MAP7: variants seen among roughly 807,000 people sequenced by gnomAD.
MAP7 encodes microtubule associated protein 7.
Under a neutral mutation model 94.8 loss-of-function variants are expected in MAP7, and 52 were observed. The ratio of observed to expected loss-of-function variants is 0.55; its 90% CI spans 0.44 to 0.69. The LOEUF is 0.69. Ranked by LOEUF, MAP7 falls within the 30% of genes least tolerant of loss-of-function variation. The pLI is 0.00. For synonymous variants in MAP7, 350 were observed against 357.0 expected, an observed-to-expected ratio of 0.98 and a Z score of 0.22; for missense variants, 940 against 964.6, an observed-to-expected ratio of 0.97 and a Z score of 0.34.
intron 1 of MAP7, among the ~76,000 whole-genome samples, chr6:136,467,208 T>G (rs1380104237): frequency 6.6e-6 from 1 of 152,224 alleles, no homozygotes; most frequent in Admixed American, 6.5e-5. Flanking sequence ...CAAAATCATC[T>G]AAACATTACA....
At chr6:136,452,452 AAAGG>A (rs1801445333) in intron 1 of MAP7, among the ~76,000 whole-genome samples, 1 of 152,254 alleles carries the variant, frequency 6.6e-6, no homozygotes, top group Non-Finnish European at 1.5e-5. Flanking sequence ...CAGAGAAATG[AAAGG>A]AAGAGTCTAC....
chr6:136,374,798 T>C (rs139599426), intron 7 of MAP7, among the ~76,000 whole-genome samples: 89 of 152,300 alleles, frequency 5.8e-4, no homozygotes, highest in African/African-American at 2.1e-3. Flanking sequence ...AAAATAAACC[T>C]AAGTTTCTTG....
In MAP7 at chr6:136,505,277, G is replaced by GTGTATATATATATATATATA. The variant is rs1465266004; in HGVS notation, c.67+45064_67+45065insTATATATATATATATATACA. 5.6e-4 allele frequency among the ~76,000 whole-genome samples: 30 copies of GTGTATATATATATATATATA among 53,808 alleles called. 1 individual carries two copies. The highest frequency in any genetic ancestry group is 1.6e-3 in the African/African-American group (20 of 12,422). 35.3% of individuals were successfully genotyped at this position (53,808 alleles called of 152,430 possible). ...TGTGTGTGTGTGTGTGTGTGTGTGT[G>GTGTATATATATATATATATA]TATATATATATATATATATATATAT... On this transcript the variant is annotated intron_variant, in intron 1 of 17. Coordinates refer to ENST00000354570, the MANE Select transcript of MAP7 (RefSeq NM_003980.6).
intron 1 of MAP7, among the ~76,000 whole-genome samples, chr6:136,536,938 G>A (rs946579615): frequency 6.6e-6 from 1 of 152,160 alleles, no homozygotes; most frequent in Non-Finnish European, 1.5e-5. Context: ...TCCATACCCA[G>A]AGTCCTAGTT....
intron 2 of MAP7, among the ~76,000 whole-genome samples, chr6:136,418,170 A>G (rs566523937): frequency 2.6e-5 from 4 of 152,302 alleles, no homozygotes; most frequent in African/African-American, 7.2e-5. Flanking sequence ...TAGTGTGCTC[A>G]TAGTTCTAAA....
intron 3 of MAP7, among the ~76,000 whole-genome samples, chr6:136,400,348 G>A (rs1462970983): frequency 2.6e-5 from 4 of 151,588 alleles, no homozygotes; most frequent in Non-Finnish European, 4.4e-5. Context: ...CCTGGGAGGC[G>A]GAGGTTGCAG....
At chr6:136,530,257 G>C (rs1480043539) in intron 1 of MAP7, among the ~76,000 whole-genome samples, 2 of 152,194 alleles carry the variant, frequency 1.3e-5, no homozygotes, top group African/African-American at 2.4e-5. Flanking sequence ...CTGCTGGATT[G>C]AATGGCCTGT....
At chr6:136,392,236 C>A (rs1252458419) in intron 3 of MAP7, among the ~76,000 whole-genome samples, 2 of 151,996 alleles carry the variant, frequency 1.3e-5, no homozygotes, top group Non-Finnish European at 2.9e-5. Flanking sequence ...CACCACTATG[C>A]CCGGCTAATT....
intron 1 of MAP7, among the ~76,000 whole-genome samples, chr6:136,482,380 C>T (rs1002462957): frequency 2.0e-5 from 3 of 152,298 alleles, no homozygotes; most frequent in African/African-American, 7.2e-5. Flanking sequence ...GGGTGGATCA[C>T]CTGAGGTCAG....
chr6:136,507,140 C>G (rs1225598581), intron 1 of MAP7, among the ~76,000 whole-genome samples: 1 of 152,000 alleles, frequency 6.6e-6, no homozygotes, highest in African/African-American at 2.4e-5. Flanking sequence ...TTTCTTTTAA[C>G]AGGGGCTATA....
intron 1 of MAP7, among the ~76,000 whole-genome samples, chr6:136,529,241 A>G (rs1207523801): frequency 6.6e-6 from 1 of 151,968 alleles, no homozygotes; most frequent in Non-Finnish European, 1.5e-5. Context: ...CAGCCTCCTG[A>G]GTAACTGGGA....
chr6:136,440,343 G>GAGAC (rs1562402371), intron 1 of MAP7, among the ~76,000 whole-genome samples: 1 of 152,128 alleles, frequency 6.6e-6, no homozygotes, highest in African/African-American at 2.4e-5. Context: ...CGGGAACACA[G>GAGAC]AGACAGGTAA....
At chr6:136,412,555 C>T (rs1398835419) in intron 2 of MAP7, among the ~76,000 whole-genome samples, 1 of 152,130 alleles carries the variant, frequency 6.6e-6, no homozygotes, top group Non-Finnish European at 1.5e-5. Context: ...CCAAGGAAGG[C>T]CTCACTGTGA....
intron 3 of MAP7, among the ~76,000 whole-genome samples, chr6:136,410,689 A>G (rs1000528986): frequency 6.6e-6 from 1 of 152,250 alleles, no homozygotes; most frequent in Non-Finnish European, 1.5e-5. Context: ...AACAATAGCA[A>G]AAGACTTTTG....
intron 7 of MAP7, among the ~76,000 whole-genome samples, chr6:136,376,224 C>G (rs1776096819): frequency 6.6e-6 from 1 of 152,066 alleles, no homozygotes. Flanking sequence ...TCAGCCTCCA[C>G]AGTAGCTGGG....
At chr6:136,414,808 ATT>A (rs550449278) in intron 2 of MAP7, among the ~76,000 whole-genome samples, 24 of 123,234 alleles carry the variant, frequency 1.9e-4, no homozygotes, top group Admixed American at 2.5e-4. Flanking sequence ...CAATCAGCTA[ATT>A]TTTTTTTTTT....
At chr6:136,352,142 T>C (rs1360493451) in intron 16 of MAP7, among the ~76,000 whole-genome samples, 11 of 151,816 alleles carry the variant, frequency 7.2e-5, no homozygotes, top group Non-Finnish European at 1.5e-4. Flanking sequence ...TCTTTCTTCT[T>C]GGGTGCAACA....
rs137996748 is a variant in MAP7, at chr6:136,536,630, C to T, written c.67+13712G>A. ...TTGCTGGAAATAGTACTAGCTGGCT[C>T]CTGTTTCCACAGGCATGAAGACACT... On this transcript the variant is annotated intron_variant, in intron 1 of 17. Coordinates refer to ENST00000354570, the MANE Select transcript of MAP7 (RefSeq NM_003980.6). Among the ~76,000 whole-genome samples the T allele has an allele frequency of 3.3e-3, 506 of 152,332 alleles. 3 individuals carry two copies. The highest frequency in any genetic ancestry group is 0.011 in the African/African-American group (477 of 41,572).
intron 1 of MAP7, among the ~76,000 whole-genome samples, chr6:136,467,704 G>C (rs890854695): frequency 6.6e-6 from 1 of 152,120 alleles, no homozygotes; most frequent in South Asian, 2.1e-4. Flanking sequence ...AGTGGGAACC[G>C]AGGAGAAAGG....
Sources: allele counts gnomAD v4.1 joint callset (sites outside exome capture counted in the v4.1 genomes callset), GRCh38; gene constraint gnomAD v4.1.1; transcripts MANE v1.5; gene names NCBI Gene and HGNC (gene_info 2026-07-23, HGNC 2026-07-21).